ELP4: variants seen among roughly 807,000 people sequenced by gnomAD.
The protein encoded by ELP4 is elongator complex protein 4.
A neutral mutation model predicts 48.9 loss-of-function variants in ELP4; 51 were observed. The observed-to-expected ratio is 1.04, with a 90% confidence interval of 0.83 to 1.32. The LOEUF is 1.32. Among genes scored for constraint, ELP4 ranks in the 40% most tolerant of loss-of-function variants. The pLI, the probability that ELP4 is intolerant of heterozygous loss-of-function variation, is 0.00. For missense variants in ELP4, 519 were observed against 514.6 expected (o/e 1.01, Z -0.08); for synonymous variants, 210 against 189.2 (o/e 1.11, Z -0.90).
Position 31,705,918 on chromosome 11 carries a change from G to A in ELP4, c.1143+55697G>A, listed in dbSNP as rs944049936. Among the ~76,000 whole-genome samples the A allele has an allele frequency of 1.1e-4, 17 of 152,116 alleles. No individual in the cohort carries two copies. The East Asian group carries it at 3.1e-3, about 28-fold the overall frequency. On this transcript the variant is annotated intron_variant, in intron 9 of 9. Transcript: ENST00000640961. Reference sequence around the variant, plus strand: ...CCCAGGCAAGAGTGCAGTGGCACAAGTATAGCTCACTGTAACCTCAAACTC... The same window carrying A: ...CCCAGGCAAGAGTGCAGTGGCACAAATATAGCTCACTGTAACCTCAAACTC...
chr11:31,732,354 G>A, intron 9 of ELP4, among the ~76,000 whole-genome samples: 1 of 151,774 alleles, frequency 6.6e-6, no homozygotes, highest in South Asian at 2.1e-4. Flanking sequence ...GTTGTTATCA[G>A]CTTAAAATAT....
intron 3 of ELP4, among the ~76,000 whole-genome samples, chr11:31,564,815 T>C (rs1170746060): frequency 1.3e-5 from 2 of 152,190 alleles, no homozygotes; most frequent in Non-Finnish European, 2.9e-5. Context: ...TCTTTGCTAT[T>C]GTGAATAGTG....
chr11:31,602,849 G>A (rs1019666488), intron 4 of ELP4, among the ~76,000 whole-genome samples: 5 of 151,988 alleles, frequency 3.3e-5, no homozygotes, highest in Admixed American at 2.0e-4. Flanking sequence ...TGTAATAGTA[G>A]ATCTGAAATC....
chr11:31,720,069 T>A (rs879770508), intron 9 of ELP4: 1 of 152,102 alleles, frequency 6.6e-6, no homozygotes, highest in Non-Finnish European at 1.5e-5. Flanking sequence ...GAAGTGAAGT[T>A]ATATTGACTA....
At chr11:31,642,403 G>A (rs1232095680) in intron 7 of ELP4, among the ~76,000 whole-genome samples, 1 of 151,774 alleles carries the variant, frequency 6.6e-6, no homozygotes, top group Non-Finnish European at 1.5e-5. Flanking sequence ...ATTTGACCAT[G>A]TAGAAAACAC....
At chr11:31,588,122 CAT>C (rs1412630468) in intron 3 of ELP4, among the ~76,000 whole-genome samples, 1 of 152,098 alleles carries the variant, frequency 6.6e-6, no homozygotes, top group Non-Finnish European at 1.5e-5. Context: ...TTATACTCCA[CAT>C]GATTTTTTGA....
intron 3 of ELP4, among the ~76,000 whole-genome samples, chr11:31,575,379 C>T (rs1177924275): frequency 6.6e-6 from 1 of 152,092 alleles, no homozygotes; most frequent in Non-Finnish European, 1.5e-5. Context: ...GGATATTATC[C>T]AGGAGAACTT....
chr11:31,707,534 A>G (rs575756178), intron 9 of ELP4: 3 of 152,132 alleles, frequency 2.0e-5, no homozygotes, highest in Non-Finnish European at 4.4e-5. Flanking sequence ...GAATTCATCA[A>G]TTCTACTTGA....
At chr11:31,688,942 T>C (rs147660745) in intron 9 of ELP4, among the ~76,000 whole-genome samples, 2 of 152,326 alleles carry the variant, frequency 1.3e-5, no homozygotes, top group African/African-American at 4.8e-5. Flanking sequence ...TAGACTAATA[T>C]ATTTGGTTTC....
chr11:31,553,854 G>T (rs1956891124), intron 3 of ELP4, among the ~76,000 whole-genome samples: 1 of 151,962 alleles, frequency 6.6e-6, no homozygotes, highest in Non-Finnish European at 1.5e-5. Flanking sequence ...CCATGGATCA[G>T]TACTGGAACA....
At chr11:31,571,523 G>A (rs561547116) in intron 3 of ELP4, among the ~76,000 whole-genome samples, 46 of 152,186 alleles carry the variant, frequency 3.0e-4, no homozygotes, top group Non-Finnish European at 3.8e-4. Flanking sequence ...ACCTCCTCTC[G>A]TGAATCATGA....
chr11:31,770,732 A>G (rs1948124531), intron 9 of ELP4, among the ~76,000 whole-genome samples: 1 of 151,762 alleles, frequency 6.6e-6, no homozygotes, highest in South Asian at 2.1e-4. Flanking sequence ...CCTGGGCAAC[A>G]TAGTAAGACG....
intron 1 of ELP4, among the ~76,000 whole-genome samples, chr11:31,515,468 T>G (rs1181746504): frequency 6.6e-6 from 1 of 152,022 alleles, no homozygotes; most frequent in Non-Finnish European, 1.5e-5. Context: ...GGCAATATAG[T>G]GAGACCCCAT....
At chr11:31,601,715 A>G (rs1393331231) in intron 4 of ELP4, among the ~76,000 whole-genome samples, 1 of 152,262 alleles carries the variant, frequency 6.6e-6, no homozygotes, top group Admixed American at 6.5e-5. Context: ...CAAACTTAAA[A>G]GAAGTGAAAA....
intron 3 of ELP4, among the ~76,000 whole-genome samples, chr11:31,546,861 T>C (rs1015009091): frequency 4.4e-4 from 67 of 151,846 alleles, no homozygotes; most frequent in African/African-American, 1.5e-3. Flanking sequence ...GTATGGAAAC[T>C]GAACAACCTG....
chr11:31,677,975 T>C (rs1386753762), intron 9 of ELP4, among the ~76,000 whole-genome samples: 1 of 152,168 alleles, frequency 6.6e-6, no homozygotes, highest in Non-Finnish European at 1.5e-5. Flanking sequence ...TGTGAAACTT[T>C]CCTAAAAATC....
intron 9 of ELP4, among the ~76,000 whole-genome samples, chr11:31,739,798 G>C (rs1445095845): frequency 6.6e-6 from 1 of 152,126 alleles, no homozygotes; most frequent in East Asian, 1.9e-4. Context: ...GCACACAATT[G>C]TCAGACCACA....
chr11:31,517,551 A>C (rs1026629719), intron 1 of ELP4, among the ~76,000 whole-genome samples: 1 of 152,176 alleles, frequency 6.6e-6, no homozygotes, highest in Non-Finnish European at 1.5e-5. Context: ...TTAGTGTTCT[A>C]AATATTTCTT....
intron 9 of ELP4, among the ~76,000 whole-genome samples, chr11:31,758,735 C>G (rs993998085): frequency 4.0e-5 from 6 of 149,562 alleles, no homozygotes; most frequent in African/African-American, 1.5e-4. Flanking sequence ...GGTGCAGTCA[C>G]AGCTCACAGC....
Sources: allele counts gnomAD v4.1 joint callset (sites outside exome capture counted in the v4.1 genomes callset), GRCh38; gene constraint gnomAD v4.1.1; transcripts MANE v1.5; gene names NCBI Gene and HGNC (gene_info 2026-07-23, HGNC 2026-07-21).